The following DCLK1 variants were observed in gnomAD, a reference collection of about 807,000 sequenced individuals.
DCLK1 encodes the protein doublecortin like kinase 1.
Under a neutral mutation model 86.2 loss-of-function variants are expected in DCLK1, and 16 were observed. The observed-to-expected ratio is 0.19, with a 90% CI of 0.13 to 0.28. DCLK1 has a LOEUF of 0.28. Among genes scored for constraint, DCLK1 ranks in the 10% least tolerant of loss-of-function variants. DCLK1 has a pLI of 1.00. For missense variants in DCLK1, 590 were observed against 940.2 expected, an observed-to-expected ratio of 0.63 and a Z score of 4.87; for synonymous variants, 369 against 370.5, an observed-to-expected ratio of 1.00 and a Z score of 0.05.
intron 4 of DCLK1, among the ~76,000 whole-genome samples, chr13:35,943,928 C>T (rs1877228977): frequency 6.6e-6 from 1 of 152,158 alleles, no homozygotes; most frequent in East Asian, 1.9e-4. Context: ...CTGCTGGCCT[C>T]TCTGCTTGTC....
intron 2 of DCLK1, among the ~76,000 whole-genome samples, chr13:36,121,568 ATTG>A (rs150591319): frequency 0.11 from 16,527 of 152,148 alleles, 1,407 homozygotes; most frequent in East Asian, 0.27. Context: ...TGTATTTGTT[ATTG>A]TTGTTAATTT....
At chr13:35,909,286 A>G (rs1388209598) in intron 4 of DCLK1, among the ~76,000 whole-genome samples, 1 of 152,140 alleles carries the variant, frequency 6.6e-6, no homozygotes, top group Non-Finnish European at 1.5e-5. Context: ...CCTCCTCTCC[A>G]CCTTGTCTTT....
chr13:36,003,718 G>A (rs1456712469), intron 3 of DCLK1, among the ~76,000 whole-genome samples: 1 of 152,082 alleles, frequency 6.6e-6, no homozygotes, highest in Non-Finnish European at 1.5e-5. Context: ...GTTACAAAAG[G>A]CTACAAAACA....
rs986351252 is a variant in DCLK1 at position 35,934,821 on chromosome 13, G to A, written c.823+12537C>T. The stretch of plus-strand genomic sequence containing the variant: ...CAGTTTCTCAACTTCTCCTAACATC[G>A]CTTTCATTATTGTAAAGCAACACTG... On this transcript the variant is annotated intron_variant, in intron 4 of 16. Coordinates refer to ENST00000360631, the MANE Select transcript of DCLK1 (RefSeq NM_001330071.2). Among the ~76,000 whole-genome samples the A allele has an allele frequency of 3.3e-5, 5 of 151,956 alleles. No homozygotes were observed. In the East Asian group the frequency reaches 5.8e-4, roughly 18 times the overall value.
At chr13:36,106,747 A>G (rs542972907) in intron 3 of DCLK1, among the ~76,000 whole-genome samples, 2 of 152,298 alleles carry the variant, frequency 1.3e-5, no homozygotes, top group East Asian at 3.9e-4. Context: ...AAATCCTATC[A>G]GATTCTAAAT....
At chr13:35,966,474 GCCTCTC>G (rs1406315271) in intron 3 of DCLK1, among the ~76,000 whole-genome samples, 3 of 92,662 alleles carry the variant, frequency 3.2e-5, no homozygotes, top group Non-Finnish European at 6.5e-5. Flanking sequence ...GAAAATTCTG[GCCTCTC>G]CCTCTCCCTC....
chr13:35,828,619 T>C (rs1411526727), intron 8 of DCLK1, among the ~76,000 whole-genome samples: 1 of 152,196 alleles, frequency 6.6e-6, no homozygotes, highest in Non-Finnish European at 1.5e-5. Context: ...CCAAGTGTAC[T>C]TTCCTTCCTT....
At chr13:35,925,009 G>A (rs1211011081) in intron 4 of DCLK1, among the ~76,000 whole-genome samples, 1 of 152,148 alleles carries the variant, frequency 6.6e-6, no homozygotes, top group Non-Finnish European at 1.5e-5. Flanking sequence ...TCCAGAAAAA[G>A]GCTGCTGACC....
chr13:35,952,584 T>C (rs1877758078), intron 3 of DCLK1, among the ~76,000 whole-genome samples: 2 of 152,226 alleles, frequency 1.3e-5, no homozygotes, highest in African/African-American at 4.8e-5. Flanking sequence ...GAGATTTTTA[T>C]TCCTCTGAGA....
intron 5 of DCLK1, among the ~76,000 whole-genome samples, chr13:35,862,114 G>A (rs1233873990): frequency 2.0e-5 from 3 of 146,650 alleles, no homozygotes; most frequent in African/African-American, 7.5e-5. Flanking sequence ...CAAATCTCTT[G>A]TTGAGGCAGC....
At chr13:35,853,011 G>A (rs938108460) in intron 6 of DCLK1, among the ~76,000 whole-genome samples, 1 of 152,180 alleles carries the variant, frequency 6.6e-6, no homozygotes, top group Admixed American at 6.5e-5. Flanking sequence ...TTCCTGCTCT[G>A]TATCCAATGG....
intron 16 of DCLK1, among the ~76,000 whole-genome samples, chr13:35,778,575 C>T (rs1279332674): frequency 6.6e-6 from 1 of 152,058 alleles, no homozygotes; most frequent in African/African-American, 2.4e-5. Context: ...ATGAATGGCC[C>T]AAGATGGGCA....
intron 5 of DCLK1, among the ~76,000 whole-genome samples, chr13:35,864,650 CTCTCTTTTTT>C (rs1201178932): frequency 7.3e-6 from 1 of 136,172 alleles, no homozygotes; most frequent in African/African-American, 3.0e-5. Context: ...CATTTTTCTT[CTCTCTTTTTT>C]TTTTTTTTTT....
At chr13:36,005,887 C>T (rs1880930351) in intron 3 of DCLK1, among the ~76,000 whole-genome samples, 1 of 152,128 alleles carries the variant, frequency 6.6e-6, no homozygotes, top group Non-Finnish European at 1.5e-5. Flanking sequence ...AAGCTGGAAA[C>T]CATCATCCTC....
intron 16 of DCLK1, among the ~76,000 whole-genome samples, chr13:35,785,971 A>G (rs535416945): frequency 1.3e-5 from 2 of 152,218 alleles, no homozygotes; most frequent in Non-Finnish European, 2.9e-5. Context: ...TTAGCTTTAC[A>G]TACTGGGTGC....
intron 4 of DCLK1, among the ~76,000 whole-genome samples, chr13:35,902,754 G>A (rs1286845479): frequency 6.6e-6 from 1 of 152,100 alleles, no homozygotes; most frequent in East Asian, 1.9e-4. Flanking sequence ...AAAGACACAG[G>A]CAGGGCCTCC....
intron 3 of DCLK1, among the ~76,000 whole-genome samples, chr13:36,040,631 T>C (rs955502247): frequency 6.6e-6 from 1 of 151,976 alleles, no homozygotes; most frequent in African/African-American, 2.4e-5. Context: ...CTGTACTCTT[T>C]GGAATGAAGT....
chr13:35,917,435 G>A (rs947235985), intron 4 of DCLK1, among the ~76,000 whole-genome samples: 1 of 151,958 alleles, frequency 6.6e-6, no homozygotes, highest in African/African-American at 2.4e-5. Context: ...TGATGCTTCG[G>A]GGGTTGCCAG....
chr13:35,811,221 A>G lies in DCLK1; in HGVS notation c.1555-253T>C, dbSNP rs886094804. Among the ~76,000 whole-genome samples, 41 of 152,242 alleles carry G rather than the reference A, an allele frequency of 2.7e-4. 2 individuals carry two copies. Among genetic ancestry groups the G allele is most frequent in the Non-Finnish European group, 4.4e-5 (3 of 68,042 alleles). ...TAGTACATTCATACAACGAGAGGTT[A>G]CATGACCTTAAAATGGCGATACAGG... On this transcript the variant is annotated intron_variant, in intron 11 of 16. Coordinates refer to ENST00000360631, the MANE Select transcript of DCLK1 (RefSeq NM_001330071.2).
Sources: allele counts gnomAD v4.1 joint callset (sites outside exome capture counted in the v4.1 genomes callset), GRCh38; gene constraint gnomAD v4.1.1; transcripts MANE v1.5; gene names NCBI Gene and HGNC (gene_info 2026-07-23, HGNC 2026-07-21).